Variants in ADAM32 observed in about 807,000 individuals in gnomAD.
ADAM32 encodes the protein disintegrin and metalloproteinase domain-containing protein 32.
In ADAM32, 89 loss-of-function variants were observed where a neutral mutation model predicts 114.9. The observed-to-expected ratio is 0.77, with a 90% confidence interval of 0.65 to 0.92. The LOEUF (loss-of-function observed/expected upper bound fraction) is 0.92, where lower values mean the gene tolerates loss of function less well. Among genes scored for constraint, ADAM32 ranks in the 40% least tolerant of loss-of-function variants. ADAM32 has a pLI of 0.00. For missense variants in ADAM32, 870 were observed against 932.8 expected, an observed-to-expected ratio of 0.93 and a Z score of 0.88; for synonymous variants, 285 against 307.5, an observed-to-expected ratio of 0.93 and a Z score of 0.77.
At chr8:39,265,482 A>G (rs1812293825) in intron 19 of ADAM32, among the ~76,000 whole-genome samples, 2 of 152,122 alleles carry the variant, frequency 1.3e-5, no homozygotes, top group African/African-American at 4.8e-5. Context: ...TGGGGCATTT[A>G]TCCCATTTAC....
chr8:39,264,144 G>C (rs111916981), intron 19 of ADAM32, among the ~76,000 whole-genome samples: 3 of 152,032 alleles, frequency 2.0e-5, no homozygotes, highest in Non-Finnish European at 4.4e-5. Context: ...TAGGTTCAGG[G>C]GGTACATGTT....
chr8:39,193,068 C>T lies in ADAM32; in HGVS notation c.1052+6023C>T, dbSNP rs145759034. On this transcript the variant is annotated intron_variant, in intron 11 of 24. Coordinates refer to ENST00000379907, the MANE Select transcript of ADAM32 (RefSeq NM_145004.7). ...TGAATTTGAATGTTGGCCTCTCTAG[C>T]TAGGATGATATCCTGAAATATGTTT... 9.8e-4 allele frequency among the ~76,000 whole-genome samples: 149 copies of T among 152,304 alleles called. 4 individuals carry two copies. The East Asian group carries it at 0.026, about 27-fold the overall frequency.
chr8:39,247,379 T>G (rs1406691542), intron 17 of ADAM32, among the ~76,000 whole-genome samples: 1 of 152,192 alleles, frequency 6.6e-6, no homozygotes, highest in Non-Finnish European at 1.5e-5. Flanking sequence ...TGTCAGTGTT[T>G]TGGATTTTGG....
chr8:39,162,146 G>A (rs1804549101), intron 7 of ADAM32, among the ~76,000 whole-genome samples: 1 of 142,720 alleles, frequency 7.0e-6, no homozygotes. Flanking sequence ...ATCTCCTAAT[G>A]CTATCCCTCC....
chr8:39,107,838 G>A lies in ADAM32; in HGVS notation c.58+5G>A. On this transcript the variant is annotated splice_donor_5th_base_variant and intron_variant, in intron 1 of 24. Coordinates refer to ENST00000379907, the MANE Select transcript of ADAM32 (RefSeq NM_145004.7). ...GCCTCCTGGCGTCAAGACCCGGTGA[G>A]CCAGCCCAGACCCTGACACTAGTCC... is the stretch of plus-strand genomic sequence containing the variant. The A allele has an allele frequency of 6.5e-7, 1 of 1,543,488 alleles. No homozygotes were observed. Among genetic ancestry groups the A allele is most frequent in the Non-Finnish European group, 8.7e-7 (1 of 1,143,424 alleles).
intron 16 of ADAM32, among the ~76,000 whole-genome samples, chr8:39,243,580 C>T (rs766260506): frequency 2.0e-5 from 3 of 152,240 alleles, no homozygotes; most frequent in East Asian, 3.9e-4. Flanking sequence ...AATCCAACAT[C>T]GCTTTATGAT....
intron 1 of ADAM32, among the ~76,000 whole-genome samples, chr8:39,111,182 G>A (rs955643432): frequency 6.6e-6 from 1 of 152,112 alleles, no homozygotes; most frequent in Non-Finnish European, 1.5e-5. Flanking sequence ...TGGCTGTTAG[G>A]AGTAATGCTG....
intron 23 of ADAM32, among the ~76,000 whole-genome samples, chr8:39,283,120 T>C (rs537489067): frequency 2.8e-4 from 42 of 152,174 alleles, no homozygotes; most frequent in Non-Finnish European, 7.4e-5. Context: ...TGGAAAAGAC[T>C]GGGTGTGGTG....
At chr8:39,246,223 C>T (rs894324667) in intron 17 of ADAM32, 57 bp downstream of exon 17, 2 of 1,509,910 alleles carry the variant, frequency 1.3e-6, no homozygotes, top group African/African-American at 1.4e-5. Context: ...TTGCATCACT[C>T]ATTAATTTAC....
chr8:39,125,984 T>C (rs781089292), intron 2 of ADAM32, among the ~76,000 whole-genome samples: 3 of 152,298 alleles, frequency 2.0e-5, no homozygotes, highest in African/African-American at 7.2e-5. Context: ...GCATGCGGTC[T>C]TATTTCTGAG....
At chr8:39,264,633 C>G (rs533949774) in intron 19 of ADAM32, among the ~76,000 whole-genome samples, 1 of 151,932 alleles carries the variant, frequency 6.6e-6, no homozygotes, top group African/African-American at 2.4e-5. Flanking sequence ...CTTCTAGGTG[C>G]GATGTTAGGT....
chr8:39,163,777 T>G (rs775622375), intron 7 of ADAM32, among the ~76,000 whole-genome samples: 1 of 152,166 alleles, frequency 6.6e-6, no homozygotes, highest in Non-Finnish European at 1.5e-5. Context: ...AGTGAAAATA[T>G]AAGTAGGAAG....
chr8:39,149,961 C>G, intron 5 of ADAM32, 94 bp downstream of exon 5: 1 of 955,628 alleles, frequency 1.0e-6, no homozygotes, highest in Non-Finnish European at 1.6e-6. Flanking sequence ...GTTGAAGGAG[C>G]TTTCCTATGT....
intron 17 of ADAM32, among the ~76,000 whole-genome samples, chr8:39,252,873 C>T (rs894468257): frequency 6.6e-6 from 1 of 151,454 alleles, no homozygotes; most frequent in Non-Finnish European, 1.5e-5. Flanking sequence ...GAATAAATAG[C>T]CTGAACAGAA....
chr8:39,222,497 G>T (rs527700361), intron 13 of ADAM32, among the ~76,000 whole-genome samples: 1 of 152,090 alleles, frequency 6.6e-6, no homozygotes, highest in South Asian at 2.1e-4. Context: ...ACAATTCTAT[G>T]TATGAAAGAG....
At chr8:39,199,177 C>T (rs890755286) in intron 11 of ADAM32, among the ~76,000 whole-genome samples, 4 of 152,116 alleles carry the variant, frequency 2.6e-5, no homozygotes, top group African/African-American at 7.2e-5. Flanking sequence ...TTTGACTATA[C>T]GTGCCTTGAA....
chr8:39,238,841 C>G (rs1464077664), intron 16 of ADAM32, among the ~76,000 whole-genome samples: 2 of 151,800 alleles, frequency 1.3e-5, no homozygotes, highest in East Asian at 3.9e-4. Context: ...TAACACAAGG[C>G]TTTGGAATGA....
intron 11 of ADAM32, among the ~76,000 whole-genome samples, chr8:39,205,003 G>A (rs1807720687): frequency 1.3e-5 from 2 of 152,192 alleles, no homozygotes; most frequent in South Asian, 4.1e-4. Flanking sequence ...GTCTCAGAGG[G>A]GTACTTGGCC....
At chr8:39,130,786 CT>C in intron 2 of ADAM32, 1 of 414,660 alleles carries the variant, frequency 2.4e-6, no homozygotes, top group South Asian at 1.8e-5. Flanking sequence ...TTTTCTGAGA[CT>C]TTTTGTGGCC....
Sources: gnomAD v4.1 joint callset for allele counts (sites outside exome capture counted in the v4.1 genomes callset) on GRCh38, gnomAD v4.1.1 for gene constraint, MANE v1.5 for transcripts, NCBI Gene and HGNC (gene_info 2026-07-23, HGNC 2026-07-21) for gene names.